Variants in PAPOLA observed in about 807,000 individuals in gnomAD.
PAPOLA encodes the protein polynucleotide adenylyltransferase alpha.
Under a neutral mutation model 100.6 loss-of-function variants are expected in PAPOLA, and 15 were observed. The ratio of observed to expected loss-of-function variants is 0.15; its 90% confidence interval spans 0.10 to 0.23. PAPOLA has a LOEUF of 0.23. Among genes scored for constraint, PAPOLA ranks in the 10% least tolerant of loss-of-function variants. The pLI, the probability that PAPOLA is intolerant of heterozygous loss-of-function variation, is 1.00. For missense variants in PAPOLA, 533 were observed against 884.2 expected (o/e 0.60, Z 5.04); for synonymous variants, 293 against 300.0 (o/e 0.98, Z 0.24).
chr14:96,566,395 A>T lies in PAPOLA; in HGVS notation c.*1345A>T, dbSNP rs760190026. On this transcript the variant is annotated 3_prime_UTR_variant, in exon 22 of 22. Transcript: ENST00000216277. ...GATCTATCTTCACAAAGTATGAGGGATGCCAGATGTTGATAAACTTACTCT... is the reference window on the plus strand; with the variant it reads ...GATCTATCTTCACAAAGTATGAGGGTTGCCAGATGTTGATAAACTTACTCT... The T allele has an allele frequency of 1.3e-5, 2 of 153,008 alleles. No individual in the cohort carries two copies. Among genetic ancestry groups the T allele is most frequent in the African/African-American group, 4.8e-5 (2 of 41,474 alleles). 9.5% of individuals were successfully genotyped at this position (153,008 alleles called of 1,614,324 possible). A position where few individuals can be genotyped will look rare whatever the true frequency, so the allele number is the denominator to read the frequency against.
At chr14:96,520,344 A>G (rs757232309) in intron 2 of PAPOLA, 116 bp downstream of exon 2, 10 of 760,108 alleles carry the variant, frequency 1.3e-5, no homozygotes, top group African/African-American at 7.1e-5. Context: ...CCAGATCTAT[A>G]TATCTGTTTT....
chr14:96,542,613 G>A, intron 13 of PAPOLA, 161 bp from the exon 14 acceptor site: 1 of 637,014 alleles, frequency 1.6e-6, no homozygotes. Flanking sequence ...GTGTTTCTTG[G>A]CTCTTTTTTC....
chr14:96,540,755 A>T (rs1899914353), intron 12 of PAPOLA, among the ~76,000 whole-genome samples: 1 of 152,224 alleles, frequency 6.6e-6, no homozygotes, highest in Admixed American at 6.5e-5. Context: ...GAGTTTATAG[A>T]CTTCAAGTTA....
rs767653953 is a variant in PAPOLA, at chr14:96,534,466, C to G, written c.837-25C>G. ...AGATGGTAATATCCAATAGTCTTAT[C>G]AAGTGCTACAATCTTTTTAAACAGG... On this transcript the variant is annotated intron_variant, in intron 9 of 21. Coordinates refer to ENST00000216277, the MANE Select transcript of PAPOLA (RefSeq NM_032632.5). 6.8e-6 allele frequency: 11 copies of G among 1,611,110 alleles called. No homozygotes were observed. In the East Asian group the frequency reaches 1.8e-4, roughly 26 times the overall value.
intron 1 of PAPOLA, 127 bp downstream of exon 1, chr14:96,502,727 A>T: frequency 9.9e-7 from 1 of 1,013,540 alleles, no homozygotes; most frequent in Non-Finnish European, 1.4e-6. Context: ...GGAGGCAGGC[A>T]GGACTGGGGA....
intron 1 of PAPOLA, among the ~76,000 whole-genome samples, chr14:96,503,515 A>T (rs1464476297): frequency 6.8e-6 from 1 of 146,928 alleles, no homozygotes; most frequent in Admixed American, 6.8e-5. Context: ...TAGATTACGG[A>T]TTTTTTTTTT....
At chr14:96,519,704 G>A (rs992870676) in intron 1 of PAPOLA, among the ~76,000 whole-genome samples, 1 of 152,216 alleles carries the variant, frequency 6.6e-6, no homozygotes, top group Non-Finnish European at 1.5e-5. Flanking sequence ...TATTGGTAAA[G>A]TAGCATTTCT....
At chr14:96,528,037 C>G (rs1391426265) in intron 6 of PAPOLA, 31 bp downstream of exon 6, 1 of 1,421,734 alleles carries the variant, frequency 7.0e-7, no homozygotes, top group African/African-American at 1.4e-5. Flanking sequence ...ACAGTTCTTG[C>G]TATGTGCTGT....
At chr14:96,529,378 G>T (rs934617965) in intron 6 of PAPOLA, among the ~76,000 whole-genome samples, 6 of 151,384 alleles carry the variant, frequency 4.0e-5, no homozygotes, top group Admixed American at 1.3e-4. Flanking sequence ...TTTTCTGTAG[G>T]TATGTTTAAA....
chr14:96,552,397 A>G, intron 16 of PAPOLA, 83 bp from the exon 17 acceptor site: 3 of 1,252,456 alleles, frequency 2.4e-6, no homozygotes, highest in African/African-American at 1.5e-5. Flanking sequence ...AGTAAAAATC[A>G]TATATGTTAA....
At chr14:96,542,930 TC>T in intron 14 of PAPOLA, 37 bp downstream of exon 14, 1 of 1,604,026 alleles carries the variant, frequency 6.2e-7, no homozygotes, top group Non-Finnish European at 8.5e-7. Context: ...TCTTCCCATT[TC>T]CAATTTTTAT....
Position 96,536,011 on chromosome 14 carries a change from T to C in PAPOLA, c.1030+12T>C. On this transcript the variant is annotated intron_variant, in intron 11 of 21. Transcript: ENST00000216277. ...GGAGTTTAAACAAGGTAAGTGTTTA[T>C]CCTTATGCTCTGATTTATACAGGAA... 3 of 1,577,562 alleles carry C rather than the reference T, an allele frequency of 1.9e-6. No homozygotes were observed. The highest frequency in any genetic ancestry group is 2.6e-6 in the Non-Finnish European group (3 of 1,161,128).
At position 96,525,339 on chromosome 14, in the gene PAPOLA, T is replaced by G. The variant is rs750333942; in HGVS notation, c.279T>G (p.Val93=). ...TTCCACAATCTGTAATTGAAAATGT[T>G]GGAGGAAAAATTTTTACATTTGGAT... ...KNLPQSVIEN[V]GGKIFTFGSY... is the part of the protein sequence containing the mutation. Residue 93 remains valine (V), a synonymous_variant, in exon 4 of 22, where the codon GTT becomes GTG. Coordinates refer to ENST00000216277, the MANE Select transcript of PAPOLA (RefSeq NM_032632.5). The G allele has an allele frequency of 6.6e-6, 10 of 1,526,338 alleles. No individual in the cohort carries two copies. The allele number at this position is 1,526,338 out of a possible 1,614,324, so 94.5% of individuals were successfully genotyped here.
intron 6 of PAPOLA, among the ~76,000 whole-genome samples, chr14:96,529,420 C>T (rs1015940320): frequency 2.6e-5 from 4 of 151,326 alleles, no homozygotes; most frequent in African/African-American, 9.7e-5. Context: ...TAAAATACTG[C>T]TTTTTAAAAA....
At chr14:96,521,304 A>G (rs187858382) in intron 3 of PAPOLA, among the ~76,000 whole-genome samples, 1 of 152,254 alleles carries the variant, frequency 6.6e-6, no homozygotes, top group Admixed American at 6.5e-5. Context: ...TGTTTGGAAC[A>G]TTTGAAAACT....
intron 15 of PAPOLA, among the ~76,000 whole-genome samples, chr14:96,545,382 A>C (rs767912431): frequency 6.6e-6 from 1 of 152,050 alleles, no homozygotes; most frequent in Non-Finnish European, 1.5e-5. Context: ...TGTGACATCT[A>C]TAAATTCTGA....
At chr14:96,535,087 C>T in intron 10 of PAPOLA, 2 of 982,688 alleles carry the variant, frequency 2.0e-6, no homozygotes, top group Non-Finnish European at 2.4e-6. Context: ...ACCTTCCATT[C>T]TGTTTCTTGG....
chr14:96,537,002 C>T lies in PAPOLA; in HGVS notation c.1057C>T (p.Leu353=). 2 of 1,606,954 alleles carry T rather than the reference C, an allele frequency of 1.2e-6. No individual in the cohort carries two copies. Among genetic ancestry groups the T allele is most frequent in the Non-Finnish European group, 1.7e-6 (2 of 1,173,718 alleles). Residue 353 remains leucine, a synonymous_variant, in exon 12 of 22, where the codon CTG becomes TTG. Coordinates refer to ENST00000216277, the MANE Select transcript of PAPOLA (RefSeq NM_032632.5). The stretch of plus-strand genomic sequence containing the variant: ...TCTTGCTATCACAGATGAAATTTTG[C>T]TGAGTAAGGCAGAGTGGTCCAAACT... The part of the protein sequence containing the change: ...QGLAITDEIL[L]SKAEWSKLFE...
intron 3 of PAPOLA, 62 bp from the exon 4 acceptor site, chr14:96,525,248 G>C (rs1056170945): frequency 2.6e-6 from 2 of 771,182 alleles, no homozygotes; most frequent in South Asian, 2.9e-5. Flanking sequence ...CCCCAGTATA[G>C]TATCATTTGA....
Sources: gnomAD v4.1 joint callset for allele counts (sites outside exome capture counted in the v4.1 genomes callset) on GRCh38, gnomAD v4.1.1 for gene constraint, MANE v1.5 for transcripts, NCBI Gene and HGNC (gene_info 2026-07-23, HGNC 2026-07-21) for gene names.